JAKMIP3: variants seen among roughly 807,000 people sequenced by gnomAD.
JAKMIP3 encodes Janus kinase and microtubule interacting protein 3.
Under a neutral mutation model 118.5 loss-of-function variants are expected in JAKMIP3, and 58 were observed. That is an observed-to-expected ratio of 0.49 (90% confidence interval 0.40 to 0.61). JAKMIP3 has a LOEUF of 0.61. JAKMIP3 is among the 20% of genes least tolerant of loss of function. The probability of loss-of-function intolerance (pLI) is 0.00; values close to 1 mark genes in which losing one functional copy is unlikely to be tolerated. For synonymous variants in JAKMIP3, 486 were observed against 451.2 expected, an observed-to-expected ratio of 1.08 and a Z score of -0.98; for missense variants, 950 against 1,109.0, an observed-to-expected ratio of 0.86 and a Z score of 2.04.
rs1292054200 is a variant in JAKMIP3 at position 132,117,080 on chromosome 10, A to T, written c.139A>T (p.Ser47Cys). 6.2e-7 allele frequency: 1 copy of T among 1,604,758 alleles called. No individual in the cohort carries two copies. ...IELQQEKSKV[S>C]KVEREKNQEL... is the part of the protein sequence containing the mutation. ...CAGTCTCGCTGTTGTCTTTCAGGTC[A>T]GCAAAGTGGAACGCGAGAAGAACCA... Residue 47 changes from serine (S) to cysteine (C), a missense_variant, in exon 3 of 24, where the codon AGC becomes TGC. Coordinates refer to ENST00000684848, the MANE Select transcript of JAKMIP3 (RefSeq NM_001323087.2). This position sits in a 1 kb window ranked among gnomAD's most constrained non-coding sequence, Gnocchi z 8.6.
rs371267473 is a variant in JAKMIP3 at position 132,138,321 on chromosome 10, A to T, written c.1344+143A>T. ...AGGGCGCTGGGTGTGTGTGCCGAGG[A>T]CCGCGCCCACGTGTGTGGAGAGTAT... is the stretch of plus-strand genomic sequence containing the variant. On this transcript the variant is annotated intron_variant, in intron 9 of 23. Transcript: ENST00000684848. 23 of 709,962 alleles carry T rather than the reference A, an allele frequency of 3.2e-5. No individual in the cohort carries two copies. The African/African-American group carries it at 3.2e-4, about 10-fold the overall frequency. 44.0% of individuals were successfully genotyped at this position (709,962 alleles called of 1,614,324 possible).
At chr10:132,086,249 A>G (rs2042380472) in intron 1 of JAKMIP3, among the ~76,000 whole-genome samples, 1 of 152,162 alleles carries the variant, frequency 6.6e-6, no homozygotes, top group Non-Finnish European at 1.5e-5. Context: ...CAGTTTTCTT[A>G]AATTTATTGA....
intron 23 of JAKMIP3, among the ~76,000 whole-genome samples, chr10:132,180,634 CGTGCGTGTGTGCGTGTGCGTGTGCGT>C (rs2060922743): frequency 7.8e-5 from 1 of 12,822 alleles, no homozygotes; most frequent in Non-Finnish European, 1.3e-4. Context: ...TGCGTGTGTG[CGTGCGTGTGTGCGTGTGCGTGTGCGT>C]GTGTGCGTGT....
At chr10:132,120,326 G>T (rs1045101028) in intron 3 of JAKMIP3, among the ~76,000 whole-genome samples, 2 of 152,156 alleles carry the variant, frequency 1.3e-5, no homozygotes, top group Non-Finnish European at 2.9e-5. Context: ...GGAGGGATTG[G>T]CTGGGGGCTC....
intron 1 of JAKMIP3, among the ~76,000 whole-genome samples, chr10:132,104,300 G>A (rs896220793): frequency 5.3e-5 from 8 of 152,196 alleles, no homozygotes; most frequent in Admixed American, 1.3e-4. Context: ...CTGAGAGCTC[G>A]TGGTTTATAT....
rs1359868678 is a variant in JAKMIP3, at chr10:132,137,247, T to C, written c.1249-7T>C. 6.2e-7 allele frequency: 1 copy of C among 1,613,920 alleles called. No individual in the cohort carries two copies. Among genetic ancestry groups the C allele is most frequent in the South Asian group, 1.1e-5 (1 of 91,080 alleles). ...CAATTCCGTAACATGCTGTCTTCCTTTCCTAGACCCTTGAGACCGCCGGCT... is the reference window on the plus strand; with the variant it reads ...CAATTCCGTAACATGCTGTCTTCCTCTCCTAGACCCTTGAGACCGCCGGCT... On this transcript the variant is annotated splice_region_variant and splice_polypyrimidine_tract_variant and intron_variant, in intron 7 of 23. Coordinates refer to ENST00000684848, the MANE Select transcript of JAKMIP3 (RefSeq NM_001323087.2).
At position 132,038,693 on chromosome 10, in the gene JAKMIP3, G is replaced by A. The variant is rs548079949; in HGVS notation, c.-138+1955G>A. On this transcript the variant is annotated intron_variant, in intron 1 of 23. Transcript: ENST00000657785. ...TGTAATCCCAGCTCCTCGGGATGGT[G>A]AGGCAGGAGAATTGCTTGAACCCAG... Among the ~76,000 whole-genome samples, 7 of 151,576 alleles carry A rather than the reference G, an allele frequency of 4.6e-5. No individual in the cohort carries two copies. The East Asian group carries it at 1.2e-3, about 25-fold the overall frequency.
At chr10:132,180,567 G>GCA (rs1491266465) in intron 23 of JAKMIP3, among the ~76,000 whole-genome samples, 1 of 46,248 alleles carries the variant, frequency 2.2e-5, no homozygotes, top group South Asian at 5.9e-4. Context: ...GCGTGTGTGT[G>GCA]CGTGTGTGTG....
intron 1 of JAKMIP3, among the ~76,000 whole-genome samples, chr10:132,046,203 C>T (rs1265207434): frequency 6.6e-6 from 1 of 152,166 alleles, no homozygotes; most frequent in Non-Finnish European, 1.5e-5. Context: ...GCCTGTAATC[C>T]CAGCACTCTG....
At chr10:132,121,769 G>A (rs2048572749) in intron 3 of JAKMIP3, among the ~76,000 whole-genome samples, 1 of 152,130 alleles carries the variant, frequency 6.6e-6, no homozygotes, top group Non-Finnish European at 1.5e-5. Context: ...TTGCTACTTA[G>A]CGCCACACGC....
intron 1 of JAKMIP3, among the ~76,000 whole-genome samples, chr10:132,039,626 C>T (rs2037653086): frequency 6.6e-6 from 1 of 152,210 alleles, no homozygotes; most frequent in Non-Finnish European, 1.5e-5. Context: ...CATCTGTGCA[C>T]TCCAGAGAGG....
At chr10:132,106,274 GC>G (rs1157026972) in intron 2 of JAKMIP3, among the ~76,000 whole-genome samples, 5 of 152,030 alleles carry the variant, frequency 3.3e-5, no homozygotes, top group Non-Finnish European at 7.4e-5. Flanking sequence ...GGAGGTTGAG[GC>G]TACAGTAAGC....
intron 3 of JAKMIP3, among the ~76,000 whole-genome samples, chr10:132,124,347 G>A (rs117506918): frequency 0.013 from 1,839 of 136,420 alleles, 17 homozygotes; most frequent in Middle Eastern, 0.026. Flanking sequence ...CCATTGCCAC[G>A]TGATCACACG....
intron 1 of JAKMIP3, among the ~76,000 whole-genome samples, chr10:132,091,485 G>A (rs9732168): frequency 0.25 from 38,403 of 152,108 alleles, 5,191 homozygotes; most frequent in East Asian, 0.41. Flanking sequence ...GTTTAGGATA[G>A]TTAGCTCTTC....
chr10:132,093,030 T>G (rs571018737), intron 1 of JAKMIP3, among the ~76,000 whole-genome samples: 1 of 152,290 alleles, frequency 6.6e-6, no homozygotes, highest in African/African-American at 2.4e-5. Flanking sequence ...TTTCTGGAGG[T>G]CCACTCCAGA....
rs370450880 is a variant in JAKMIP3, at chr10:132,178,625, G to A, written c.*1104-3732G>A. On this transcript the variant is annotated intron_variant, in intron 23 of 23. Coordinates refer to ENST00000684848, the MANE Select transcript of JAKMIP3 (RefSeq NM_001323087.2). ...GGTGTTGGGGAAGAGCAAGGATCCA[G>A]ACTGCAGGGTCTCACCCCCTCCCAA... is the stretch of plus-strand genomic sequence containing the variant. Among the ~76,000 whole-genome samples, 226 of 152,326 alleles carry A rather than the reference G, an allele frequency of 1.5e-3. 1 individual carries two copies. The highest frequency in any genetic ancestry group is 5.4e-3 in the African/African-American group (224 of 41,566).
chr10:132,117,424 C>G lies in JAKMIP3; in HGVS notation c.483C>G (p.Leu161=), dbSNP rs779747219. ...AGATGCAGCAGGAGATCTCCGAGCT[C>G]AAGGGCGCCAAAAGGCAGGTGGAGG... ...KVKMQQEISE[L]KGAKRQVEEA... The change falls in exon 3 of 24, where the codon CTC becomes CTG. Residue 161 remains leucine (L), a synonymous_variant. Coordinates refer to ENST00000684848, the MANE Select transcript of JAKMIP3 (RefSeq NM_001323087.2). This position sits in a 1 kb window ranked among gnomAD's most constrained non-coding sequence, Gnocchi z 8.6. 2 of 1,613,994 alleles carry G rather than the reference C, an allele frequency of 1.2e-6. No homozygotes were observed. Among genetic ancestry groups the G allele is most frequent in the Admixed American group, 1.7e-5 (1 of 60,032 alleles).
At chr10:132,156,249 C>G (rs1208203807) in intron 19 of JAKMIP3, among the ~76,000 whole-genome samples, 1 of 152,190 alleles carries the variant, frequency 6.6e-6, no homozygotes, top group Admixed American at 6.5e-5. Context: ...TTCTTGGCCT[C>G]TGCTCTCCAG....
upstream of JAKMIP3, among the ~76,000 whole-genome samples, chr10:132,061,379 A>G (rs973987007): frequency 2.0e-5 from 3 of 152,258 alleles, no homozygotes; most frequent in African/African-American, 7.2e-5. Context: ...ATTTCGTTGA[A>G]GACATAAAAG....
Sources: allele counts gnomAD v4.1 joint callset (sites outside exome capture counted in the v4.1 genomes callset), GRCh38; gene constraint gnomAD v4.1.1; non-coding constraint Gnocchi (gnomAD v3.1); transcripts MANE v1.5; gene names NCBI Gene and HGNC (gene_info 2026-07-23, HGNC 2026-07-21).